Variants in CYP2C19 observed in about 807,000 individuals in gnomAD.
The protein encoded by CYP2C19 is cytochrome P450 2C19.
CYP2C19 carries 59 observed loss-of-function variants against 40.9 expected under a neutral mutation model. The ratio of observed to expected loss-of-function variants is 1.44; its 90% CI spans 1.17 to 1.79. CYP2C19 has a LOEUF of 1.79. Ranked by LOEUF, CYP2C19 falls within the 40% of genes most tolerant of loss-of-function variation. The probability of loss-of-function intolerance (pLI) is 0.00; values close to 1 mark genes in which losing one functional copy is unlikely to be tolerated. For synonymous variants in CYP2C19, 253 were observed against 208.7 expected (o/e 1.21, Z -1.83); for missense variants, 754 against 596.9 (o/e 1.26, Z -2.74).
At chr10:94,813,198 G>A (rs977729594) in intron 5 of CYP2C19, among the ~76,000 whole-genome samples, 5 of 152,108 alleles carry the variant, frequency 3.3e-5, no homozygotes, top group Admixed American at 3.3e-4. Flanking sequence ...ACCAGAGGAG[G>A]CCACAGAACA....
chr10:94,814,277 T>C (rs1012727186), intron 5 of CYP2C19, among the ~76,000 whole-genome samples: 2 of 152,034 alleles, frequency 1.3e-5, no homozygotes, highest in Non-Finnish European at 2.9e-5. Context: ...AAGGTAATTA[T>C]TTTGAATTCC....
intron 7 of CYP2C19, among the ~76,000 whole-genome samples, chr10:94,843,524 G>A (rs1337034208): frequency 6.6e-6 from 1 of 152,026 alleles, no homozygotes; most frequent in East Asian, 1.9e-4. Context: ...TAATATTTTT[G>A]TTGTTGTTAT....
chr10:94,829,982 G>T (rs185171992), intron 6 of CYP2C19, among the ~76,000 whole-genome samples: 389 of 152,114 alleles, frequency 2.6e-3, no homozygotes, highest in Non-Finnish European at 3.5e-3. Flanking sequence ...TCAGGGGTCA[G>T]GGACCCACTT....
At chr10:94,816,765 T>C (rs1849010861) in intron 5 of CYP2C19, among the ~76,000 whole-genome samples, 2 of 143,128 alleles carry the variant, frequency 1.4e-5, no homozygotes, top group Non-Finnish European at 3.0e-5. Flanking sequence ...AGTGTGGTAT[T>C]CCCCTTCATG....
At chr10:94,804,511 G>A (rs1383621154) in intron 5 of CYP2C19, among the ~76,000 whole-genome samples, 2 of 152,232 alleles carry the variant, frequency 1.3e-5, no homozygotes, top group Non-Finnish European at 2.9e-5. Context: ...ATGGGAAAAT[G>A]TGTGCAGCTT....
intron 6 of CYP2C19, among the ~76,000 whole-genome samples, chr10:94,834,549 C>CTTTTT (rs765697067): frequency 6.7e-6 from 1 of 148,308 alleles, no homozygotes; most frequent in African/African-American, 2.5e-5. Flanking sequence ...GGTTTTCTTT[C>CTTTTT]TTTTTTCTTT....
At chr10:94,764,993 T>G (rs1365562256) in intron 1 of CYP2C19, among the ~76,000 whole-genome samples, 1 of 152,146 alleles carries the variant, frequency 6.6e-6, no homozygotes, top group African/African-American at 2.4e-5. Context: ...ACTCTTCCCC[T>G]AAGAAGGTGC....
intron 3 of CYP2C19, among the ~76,000 whole-genome samples, chr10:94,776,664 G>A (rs545817744): frequency 6.6e-6 from 1 of 152,088 alleles, no homozygotes; most frequent in Admixed American, 6.6e-5. Context: ...AATAATAAGA[G>A]CTATTTATGA....
rs756104782 is a variant in CYP2C19, at chr10:94,850,064, A to G, written c.1291+6A>G. ...CTTCATGCCTTTCTCAGCAGGTAAT[A>G]TAAATTTATTTCCCTTTGTGTTTCA... On this transcript the variant is annotated splice_donor_region_variant and intron_variant, in intron 8 of 8. Coordinates refer to ENST00000371321, the MANE Select transcript of CYP2C19 (RefSeq NM_000769.4). 1 of 1,613,228 alleles carries G rather than the reference A, an allele frequency of 6.2e-7. No homozygotes were observed. The highest frequency in any genetic ancestry group is 8.5e-7 in the Non-Finnish European group (1 of 1,179,408).
In CYP2C19 at chr10:94,817,885, C is replaced by T. The variant is rs111609338; in HGVS notation, c.820-2611C>T. On this transcript the variant is annotated intron_variant, in intron 5 of 8. Transcript: ENST00000371321. ...AAAATTAGCCGGGCGTAGTGGCGGG[C>T]ACCTGTAGTCCCAGCTACTTGGGAG... Among the ~76,000 whole-genome samples, 380 of 151,260 alleles carry T rather than the reference C, an allele frequency of 2.5e-3. 1 individual carries two copies. Among genetic ancestry groups the T allele is most frequent in the African/African-American group, 8.7e-3 (359 of 41,160 alleles).
intron 1 of CYP2C19, among the ~76,000 whole-genome samples, chr10:94,766,369 C>G (rs1339156141): frequency 1.3e-5 from 2 of 151,922 alleles, no homozygotes; most frequent in African/African-American, 4.8e-5. Context: ...AAAGATGGTG[C>G]TCTGGAAGAT....
At chr10:94,780,692 A>G (rs1848468325) in intron 4 of CYP2C19, 33 bp downstream of exon 4, 3 of 1,610,838 alleles carry the variant, frequency 1.9e-6, no homozygotes, top group South Asian at 1.1e-5. Flanking sequence ...CTGAGAAACC[A>G]CTTACAGTCT....
chr10:94,779,126 C>T (rs1848449805), intron 3 of CYP2C19, among the ~76,000 whole-genome samples: 1 of 151,676 alleles, frequency 6.6e-6, no homozygotes. Flanking sequence ...GGTTGGGGGG[C>T]AAGGGGAGGG....
chr10:94,797,007 G>T (rs189268968), intron 5 of CYP2C19, among the ~76,000 whole-genome samples: 1 of 151,958 alleles, frequency 6.6e-6, no homozygotes, highest in Non-Finnish European at 1.5e-5. Context: ...TGATTGCCCC[G>T]GCGAGAACTT....
intron 5 of CYP2C19, among the ~76,000 whole-genome samples, chr10:94,818,655 G>A (rs1355574036): frequency 3.4e-5 from 5 of 148,486 alleles, no homozygotes; most frequent in African/African-American, 5.0e-5. Context: ...TGAAGCAATT[G>A]TGAATGGGAG....
intron 8 of CYP2C19, 125 bp downstream of exon 8, chr10:94,850,183 C>A: frequency 1.8e-6 from 2 of 1,135,900 alleles, no homozygotes; most frequent in South Asian, 2.7e-5. Context: ...GAGCACTGTT[C>A]TGAATGCCTG....
intron 6 of CYP2C19, among the ~76,000 whole-genome samples, chr10:94,839,188 G>A (rs1849451665): frequency 6.6e-6 from 1 of 152,136 alleles, no homozygotes; most frequent in East Asian, 1.9e-4. Context: ...CACCGATGTA[G>A]CAGTCCTGCA....
At chr10:94,810,843 T>A (rs1848911833) in intron 5 of CYP2C19, among the ~76,000 whole-genome samples, 1 of 152,196 alleles carries the variant, frequency 6.6e-6, no homozygotes. Flanking sequence ...AACTCCTGTA[T>A]TCTTTGATAT....
At position 94,775,069 on chromosome 10, in the gene CYP2C19, C is replaced by A. The variant is rs748575466; in HGVS notation, c.180C>A (p.Ile60=). ...VSKSLTNLSK[I]YGPVFTLYFG... The stretch of plus-strand genomic sequence containing the variant: ...ATCTCCTTTTCTAGCTCTCAAAAAT[C>A]TATGGCCCTGTGTTCACTCTGTATT... The change falls in exon 2 of 9, where the codon ATC becomes ATA. Residue 60 remains isoleucine, a synonymous_variant. Coordinates refer to ENST00000371321, the MANE Select transcript of CYP2C19 (RefSeq NM_000769.4). 1 of 1,614,092 alleles carries A rather than the reference C, an allele frequency of 6.2e-7. No individual in the cohort carries two copies. Among genetic ancestry groups the A allele is most frequent in the Non-Finnish European group, 8.5e-7 (1 of 1,180,006 alleles).
Sources: allele counts gnomAD v4.1 joint callset (sites outside exome capture counted in the v4.1 genomes callset), GRCh38; gene constraint gnomAD v4.1.1; transcripts MANE v1.5; gene names NCBI Gene and HGNC (gene_info 2026-07-23, HGNC 2026-07-21).